Variants in PRR33 observed in about 807,000 individuals in gnomAD.
PRR33 encodes the protein proline-rich protein 33.
In PRR33, 1 loss-of-function variant was observed where a neutral mutation model predicts 0.5. The observed-to-expected ratio is 2.18, with a 90% CI of 0.77 to 10.34. The LOEUF (loss-of-function observed/expected upper bound fraction) is 10.34, where lower values mean the gene tolerates loss of function less well. Among genes scored for constraint, PRR33 ranks in the 30% most tolerant of loss-of-function variants. The probability of loss-of-function intolerance (pLI) is 0.13; values close to 1 mark genes in which losing one functional copy is unlikely to be tolerated. For synonymous variants in PRR33, 226 were observed against 110.0 expected (o/e 2.06, Z -6.60); for missense variants, 552 against 251.8 (o/e 2.19, Z -8.07).
the PRR33 span, among the ~76,000 whole-genome samples, chr11:1,909,655 C>A: frequency 6.6e-6 from 1 of 152,006 alleles, no homozygotes; most frequent in Admixed American, 6.6e-5. Context: ...CAGTGGGCAC[C>A]TGTAGTTCCA....
chr11:1,888,185 CA>C lies in PRR33; in HGVS notation c.*959del, dbSNP rs528921597. Among the ~76,000 whole-genome samples, 74 of 152,292 alleles carry C rather than the reference CA, an allele frequency of 4.9e-4. 1 individual carries two copies. In the South Asian group the frequency reaches 0.014, roughly 30 times the overall value. On this transcript the variant is annotated 3_prime_UTR_variant, in exon 1 of 1. Transcript: ENST00000640310. ...CTGTCCTCCTACCATCTTCCCCTGC[CA>C]AACCCTGACTCTCAAGCAGCTGTGG...
exon 1 of PRR33, chr11:1,889,454 AGGCACCTCCTGCTCTGTGGGGGTG>A (rs1425589143): frequency 4.7e-6 from 3 of 639,408 alleles, no homozygotes; most frequent in East Asian, 2.8e-5. Context: ...CTGTGGGGGC[AGGCACCTCCTGCTCTGTGGGGGTG>A]GGCACCTCTG....
At chr11:1,913,837 G>A in the PRR33 span, among the ~76,000 whole-genome samples, 10 of 152,350 alleles carry the variant, frequency 6.6e-5, no homozygotes, top group African/African-American at 1.4e-4. Flanking sequence ...CGGTGAGCAC[G>A]AGCTGTGCAC....
At chr11:1,893,425 A>ATGGC (rs1302621810), upstream of PRR33, among the ~76,000 whole-genome samples, 2,027 of 142,834 alleles carry the variant, frequency 0.014, 46 homozygotes, top group African/African-American at 0.048. Context: ...GGGTGGGAGG[A>ATGGC]TGGCTGGCTG....
chr11:1,914,848 T>G, the PRR33 span, among the ~76,000 whole-genome samples: 1 of 101,044 alleles, frequency 9.9e-6, no homozygotes, highest in East Asian at 3.0e-4. Context: ...AACCTGGAGA[T>G]GTTTCTGTGT....
chr11:1,889,829 G>A (rs572344484), exon 1 of PRR33: 28 of 635,238 alleles, frequency 4.4e-5, no homozygotes, highest in African/African-American at 3.5e-4. Flanking sequence ...CCTGGAAGCC[G>A]GGTGGCGGCC....
chr11:1,910,709 G>T, the PRR33 span, among the ~76,000 whole-genome samples: 1 of 152,206 alleles, frequency 6.6e-6, no homozygotes, highest in Non-Finnish European at 1.5e-5. Context: ...TTGCAAAATG[G>T]TGCATTCTTA....
At chr11:1,902,576 A>G in the PRR33 span, 1 of 151,972 alleles carries the variant, frequency 6.6e-6, no homozygotes, top group Middle Eastern at 3.4e-3. Flanking sequence ...TTTTGTCTTT[A>G]TCTTATTTGA....
At chr11:1,916,614 CA>C in the PRR33 span, among the ~76,000 whole-genome samples, 2 of 152,138 alleles carry the variant, frequency 1.3e-5, no homozygotes, top group African/African-American at 4.8e-5. Flanking sequence ...TGGACAGCAC[CA>C]GGGGCAGGGG....
exon 1 of PRR33, chr11:1,890,884 C>A: frequency 2.4e-6 from 1 of 412,522 alleles, no homozygotes; most frequent in Non-Finnish European, 4.4e-6. Flanking sequence ...CACCCCAGCA[C>A]AAAGCAGGCC....
At chr11:1,893,449 C>A (rs117440812), upstream of PRR33, among the ~76,000 whole-genome samples, 22,038 of 145,070 alleles carry the variant, frequency 0.15, 1,839 homozygotes, top group Middle Eastern at 0.2. Flanking sequence ...GGCTGGCTGG[C>A]TGGATGGATG....
the PRR33 span, among the ~76,000 whole-genome samples, chr11:1,901,522 T>A: frequency 1.3e-5 from 2 of 152,232 alleles, no homozygotes; most frequent in Admixed American, 6.5e-5. Flanking sequence ...TCAAATAGTT[T>A]TCTTTTCCCC....
the PRR33 span, among the ~76,000 whole-genome samples, chr11:1,897,198 A>G: frequency 1.3e-5 from 2 of 152,218 alleles, no homozygotes; most frequent in Non-Finnish European, 2.9e-5. This position sits in a 1 kb window ranked among gnomAD's most constrained non-coding sequence, Gnocchi z 4.0. Flanking sequence ...GTGAGGTTTC[A>G]GTTCACAGTG....
the PRR33 span, among the ~76,000 whole-genome samples, chr11:1,908,780 T>C: frequency 1.3e-5 from 2 of 152,226 alleles, no homozygotes; most frequent in Non-Finnish European, 2.9e-5. Flanking sequence ...CCGCCTCACA[T>C]CATTGGCATT....
chr11:1,909,209 A>G, the PRR33 span, among the ~76,000 whole-genome samples: 2 of 135,354 alleles, frequency 1.5e-5, no homozygotes, highest in East Asian at 2.2e-4. Flanking sequence ...AAAAAATACA[A>G]AAGTTGGGCC....
At chr11:1,905,094 C>T in the PRR33 span, among the ~76,000 whole-genome samples, 1 of 147,322 alleles carries the variant, frequency 6.8e-6, no homozygotes, top group Non-Finnish European at 1.5e-5. Context: ...TTTCCTTAAG[C>T]TGAGAGCAAG....
exon 1 of PRR33, chr11:1,889,362 A>T (rs887513362): frequency 1.4e-6 from 1 of 712,558 alleles, no homozygotes; most frequent in Non-Finnish European, 2.6e-6. Flanking sequence ...CGCCACTGAC[A>T]TGCGGTACAG....
exon 1 of PRR33, chr11:1,890,272 G>T (rs1005533634): frequency 1.4e-6 from 1 of 713,666 alleles, no homozygotes; most frequent in Non-Finnish European, 2.6e-6. Context: ...ACCATGCGGG[G>T]AGCCTCGGCG....
the PRR33 span, among the ~76,000 whole-genome samples, chr11:1,912,795 T>G: frequency 1.3e-5 from 2 of 151,946 alleles, no homozygotes; most frequent in African/African-American, 2.4e-5. Flanking sequence ...TTTGTAGAGA[T>G]AGGTTTTTGC....
Sources: allele counts gnomAD v4.1 joint callset (sites outside exome capture counted in the v4.1 genomes callset), GRCh38; gene constraint gnomAD v4.1.1; non-coding constraint Gnocchi (gnomAD v3.1); transcripts MANE v1.5; gene names NCBI Gene and HGNC (gene_info 2026-07-23, HGNC 2026-07-21).